The following RUNX2 variants were observed in gnomAD, a reference collection of about 807,000 sequenced individuals.
RUNX2 encodes the protein RUNX family transcription factor 2, also known as runt-related transcription factor 2.
RUNX2 carries 10 observed loss-of-function variants against 51.7 expected under a neutral mutation model. The observed-to-expected ratio is 0.19, with a 90% CI of 0.12 to 0.33. The LOEUF (loss-of-function observed/expected upper bound fraction) is 0.33, where lower values mean the gene tolerates loss of function less well. RUNX2 is among the 10% of genes least tolerant of loss of function. The pLI is 1.00. For missense variants in RUNX2, 562 were observed against 691.3 expected (o/e 0.81, Z 2.10); for synonymous variants, 276 against 273.6 (o/e 1.01, Z -0.09).
intron 2 of RUNX2, among the ~76,000 whole-genome samples, chr6:45,348,073 C>G (rs1298797920): frequency 6.6e-6 from 1 of 151,992 alleles, no homozygotes; most frequent in East Asian, 1.9e-4. Flanking sequence ...CTCTAAATGG[C>G]CTGCTTATGT....
intron 2 of RUNX2, among the ~76,000 whole-genome samples, chr6:45,358,476 C>G (rs1160517387): frequency 6.6e-6 from 1 of 152,094 alleles, no homozygotes; most frequent in Non-Finnish European, 1.5e-5. Context: ...AAATTCTTCC[C>G]ATTAAATTGC....
chr6:45,446,056 G>A (rs1402612158), intron 5 of RUNX2, among the ~76,000 whole-genome samples: 4 of 152,208 alleles, frequency 2.6e-5, no homozygotes, highest in South Asian at 4.1e-4. Flanking sequence ...ACATTCCTTC[G>A]CTCGCAGACT....
chr6:45,507,370 C>T (rs920170483), intron 6 of RUNX2, among the ~76,000 whole-genome samples: 1 of 152,156 alleles, frequency 6.6e-6, no homozygotes, highest in African/African-American at 2.4e-5. Flanking sequence ...GCCTGAAAAA[C>T]ATCTATCACC....
intron 2 of RUNX2, among the ~76,000 whole-genome samples, chr6:45,392,224 G>A (rs1264983813): frequency 3.9e-5 from 6 of 152,136 alleles, no homozygotes; most frequent in African/African-American, 1.4e-4. Context: ...TTAAATATAG[G>A]CTGGGCATAT....
chr6:45,508,220 CTTTTTT>C (rs61501897), intron 6 of RUNX2, among the ~76,000 whole-genome samples: 23 of 65,690 alleles, frequency 3.5e-4, no homozygotes, highest in East Asian at 1.3e-3. Context: ...CTTATATTTC[CTTTTTT>C]TTTTTTTTTT....
chr6:45,431,988 C>T lies in RUNX2; in HGVS notation c.549C>T (p.Asn183=), dbSNP rs115974315. Residue 183 remains asparagine, a synonymous_variant, in exon 4 of 9, where the codon AAC becomes AAT. Coordinates refer to ENST00000647337, the MANE Select transcript of RUNX2 (RefSeq NM_001024630.4). ...TGAAAAACCAAGTAGCAAGGTTCAA[C>T]GATCTGAGATTTGTGGGCCGGAGTG... The part of the protein sequence containing the change: ...AVMKNQVARF[N]DLRFVGRSGR... 243 of 1,614,086 alleles carry T rather than the reference C, an allele frequency of 1.5e-4. No homozygotes were observed. In the African/African-American group the frequency reaches 2.1e-3, roughly 14 times the overall value.
chr6:45,536,190 C>T (rs1802028005), intron 7 of RUNX2, among the ~76,000 whole-genome samples: 1 of 151,880 alleles, frequency 6.6e-6, no homozygotes, highest in African/African-American at 2.4e-5. Context: ...CCCGGAAGCC[C>T]CTTATGTATT....
intron 2 of RUNX2, among the ~76,000 whole-genome samples, chr6:45,358,811 G>A (rs1793714472): frequency 6.6e-6 from 1 of 152,020 alleles, no homozygotes; most frequent in Admixed American, 6.5e-5. Flanking sequence ...TGAAACGTAT[G>A]AATATTCACT....
At chr6:45,521,121 G>T (rs576714011) in intron 7 of RUNX2, among the ~76,000 whole-genome samples, 3 of 152,184 alleles carry the variant, frequency 2.0e-5, no homozygotes, top group African/African-American at 7.2e-5. Context: ...TTATAACCTA[G>T]CACAGTTTTT....
At chr6:45,525,922 G>A (rs942784429) in intron 7 of RUNX2, among the ~76,000 whole-genome samples, 3 of 151,882 alleles carry the variant, frequency 2.0e-5, no homozygotes, top group African/African-American at 7.3e-5. Context: ...AGCCAGGGAG[G>A]CTGAGGCTGC....
intron 5 of RUNX2, among the ~76,000 whole-genome samples, chr6:45,470,663 G>A (rs545322903): frequency 5.3e-5 from 8 of 152,226 alleles, no homozygotes; most frequent in South Asian, 2.1e-4. Flanking sequence ...CTTTGGTACC[G>A]GAAATACTTC....
chr6:45,418,528 A>C (rs985758872), intron 2 of RUNX2, among the ~76,000 whole-genome samples: 1 of 152,232 alleles, frequency 6.6e-6, no homozygotes, highest in African/African-American at 2.4e-5. Flanking sequence ...TAGAAAATCT[A>C]AACCCAAAGA....
intron 7 of RUNX2, among the ~76,000 whole-genome samples, chr6:45,518,570 A>G (rs934478005): frequency 1.3e-5 from 2 of 152,080 alleles, no homozygotes; most frequent in African/African-American, 4.8e-5. Flanking sequence ...TGTATGATTA[A>G]TTACTGTTAT....
rs140153861 is a variant in RUNX2 at position 45,450,436 on chromosome 6, AG to A, written c.685+12386del. 2.2e-4 allele frequency among the ~76,000 whole-genome samples: 34 copies of A among 152,360 alleles called. No individual in the cohort carries two copies. The East Asian group carries it at 6.6e-3, about 29-fold the overall frequency. ...AAATTACTTTTGAGTGCTTACTGTT[AG>A]CCAGGTGCCAGGCAGGCGTGATCCT... is the stretch of plus-strand genomic sequence containing the variant. On this transcript the variant is annotated intron_variant, in intron 5 of 8. Transcript: ENST00000647337.
chr6:45,497,167 T>C (rs1287468535), intron 6 of RUNX2, among the ~76,000 whole-genome samples: 1 of 152,244 alleles, frequency 6.6e-6, no homozygotes, highest in African/African-American at 2.4e-5. Flanking sequence ...TCCCTTCTCA[T>C]GATTCTTCCT....
At chr6:45,528,134 G>A (rs998134442) in intron 7 of RUNX2, among the ~76,000 whole-genome samples, 1 of 152,112 alleles carries the variant, frequency 6.6e-6, no homozygotes, top group Admixed American at 6.5e-5. Context: ...CACGAGAACA[G>A]TATGGAAGAG....
chr6:45,474,749 C>G (rs1799907376), intron 5 of RUNX2, among the ~76,000 whole-genome samples: 1 of 151,950 alleles, frequency 6.6e-6, no homozygotes, highest in Admixed American at 6.6e-5. Flanking sequence ...TTTTCTATTG[C>G]CTTATTTGTT....
intron 5 of RUNX2, among the ~76,000 whole-genome samples, chr6:45,447,820 G>T (rs1380327007): frequency 6.6e-6 from 1 of 152,120 alleles, no homozygotes; most frequent in African/African-American, 2.4e-5. Flanking sequence ...TTCCTTCAAT[G>T]AGAAACTGTT....
intron 5 of RUNX2, among the ~76,000 whole-genome samples, chr6:45,440,297 T>C (rs1798805384): frequency 6.6e-6 from 1 of 152,226 alleles, no homozygotes; most frequent in Non-Finnish European, 1.5e-5. Flanking sequence ...TGAATATTTG[T>C]AGCATAGCCC....
Sources: gnomAD v4.1 joint callset for allele counts (sites outside exome capture counted in the v4.1 genomes callset) on GRCh38, gnomAD v4.1.1 for gene constraint, MANE v1.5 for transcripts, NCBI Gene and HGNC (gene_info 2026-07-23, HGNC 2026-07-21) for gene names.